USP40: variants seen among roughly 807,000 people sequenced by gnomAD.
The protein encoded by USP40 is ubiquitin specific peptidase 40.
USP40 carries 143 observed loss-of-function variants against 166.2 expected under a neutral mutation model. The observed-to-expected ratio is 0.86, with a 90% CI of 0.75 to 0.99. The LOEUF (loss-of-function observed/expected upper bound fraction) is 0.99, where lower values mean the gene tolerates loss of function less well. Among genes scored for constraint, USP40 ranks in the 50% least tolerant of loss-of-function variants. The pLI, the probability that USP40 is intolerant of heterozygous loss-of-function variation, is 0.00. For missense variants in USP40, 1,444 were observed against 1,479.7 expected, an observed-to-expected ratio of 0.98 and a Z score of 0.40; for synonymous variants, 498 against 524.0, an observed-to-expected ratio of 0.95 and a Z score of 0.68.
intron 19 of USP40, chr2:233,512,262 C>A: frequency 5.0e-6 from 1 of 199,656 alleles, no homozygotes; most frequent in Non-Finnish European, 1.0e-5. Context: ...TAATTGGTAT[C>A]GCAATAAAAT....
intron 23 of USP40, among the ~76,000 whole-genome samples, chr2:233,497,973 C>G (rs1227791120): frequency 6.6e-6 from 1 of 152,204 alleles, no homozygotes; most frequent in Non-Finnish European, 1.5e-5. Flanking sequence ...TCAGACTCCC[C>G]ACAGAGCTTT....
At position 233,549,333 on chromosome 2, in the gene USP40, CTGTT is replaced by C. The variant is rs1294633964; in HGVS notation, c.838-108_838-105del. 1.1e-5 allele frequency: 8 copies of C among 760,640 alleles called. No individual in the cohort carries two copies. In the Admixed American group the frequency reaches 2.1e-4, roughly 20 times the overall value. 47.1% of individuals were successfully genotyped at this position (760,640 alleles called of 1,614,324 possible). On this transcript the variant is annotated intron_variant, in intron 7 of 31. Transcript: ENST00000678225. Reference sequence around the variant, plus strand: ...CTACTGAAATTAATAAGAAACTTCACTGTTTGTTATTTAAGAGTAAAGATGAATT... The same window carrying C: ...CTACTGAAATTAATAAGAAACTTCACTGTTATTTAAGAGTAAAGATGAATT...
At chr2:233,514,121 G>A (rs2067017602) in intron 18 of USP40, among the ~76,000 whole-genome samples, 1 of 152,222 alleles carries the variant, frequency 6.6e-6, no homozygotes, top group Non-Finnish European at 1.5e-5. Flanking sequence ...GGTACTTACT[G>A]TGTATTGGCT....
rs2064217852 is a variant in USP40, at chr2:233,477,113, A to C, written c.*279T>G. 2 of 449,744 alleles carry C rather than the reference A, an allele frequency of 4.4e-6. No homozygotes were observed. The highest frequency in any genetic ancestry group is 8.3e-6 in the Non-Finnish European group (2 of 241,612). 27.9% of individuals were successfully genotyped at this position (449,744 alleles called of 1,614,324 possible). ...TGCATTTTCTGGTTAAAAGAAAAAAAAAGGCAGCTGGGGCCGGGTGCTGTG... is the reference window on the plus strand; with the variant it reads ...TGCATTTTCTGGTTAAAAGAAAAAACAAGGCAGCTGGGGCCGGGTGCTGTG... On this transcript the variant is annotated 3_prime_UTR_variant, in exon 32 of 32. Coordinates refer to ENST00000678225, the MANE Select transcript of USP40 (RefSeq NM_001365479.2).
At chr2:233,490,616 G>A (rs542625008) in intron 26 of USP40, among the ~76,000 whole-genome samples, 23 of 152,294 alleles carry the variant, frequency 1.5e-4, no homozygotes, top group South Asian at 1.5e-3. Flanking sequence ...AACAGTAGGC[G>A]GATGCTGCTT....
At position 233,499,357 on chromosome 2, in the gene USP40, G is replaced by A. The variant is rs190594871; in HGVS notation, c.2650+522C>T. ...CATGATCTCATTCCTTTCTATGGCT[G>A]CACAGTATTCCATGGTATATATGTA... On this transcript the variant is annotated intron_variant, in intron 22 of 31. Coordinates refer to ENST00000678225, the MANE Select transcript of USP40 (RefSeq NM_001365479.2). Among the ~76,000 whole-genome samples the A allele has an allele frequency of 2.1e-4, 32 of 152,250 alleles. No individual in the cohort carries two copies. In the East Asian group the frequency reaches 3.3e-3, roughly 16 times the overall value.
chr2:233,491,588 T>A lies in USP40; in HGVS notation c.2918-327A>T, dbSNP rs77949159. On this transcript the variant is annotated intron_variant, in intron 25 of 31. Transcript: ENST00000678225. ...TCCTGTTTCCTCATCATAACACTCA[T>A]CCCAACCTGTTCCTCGTGTGTGTGT... 8.8e-3 allele frequency among the ~76,000 whole-genome samples: 1,281 copies of A among 145,848 alleles called. 8 individuals carry two copies. Among genetic ancestry groups the A allele is most frequent in the Non-Finnish European group, 0.012 (777 of 66,872 alleles).
At chr2:233,542,569 CCAGGAGGTTGAGG>C (rs1382802188) in intron 8 of USP40, 1 of 416,800 alleles carries the variant, frequency 2.4e-6, no homozygotes, top group Non-Finnish European at 4.3e-6. Context: ...AAAAAATTAG[CCAGGAGGTTGAGG>C]CGGGAGGACT....
Position 233,527,552 on chromosome 2 carries a change from G to C in USP40, c.1580C>G (p.Thr527Ser). ...KRAECDSANN[T>S]FELHLHLGPQ... The stretch of plus-strand genomic sequence containing the variant: ...GCCCAGGTGAAGATGCAATTCAAAA[G>C]TATTGTTTGCAGAATCACATTCTGC... The change falls in exon 13 of 32, where the codon ACT (threonine) becomes AGT (serine). Residue 527 changes from threonine (T) to serine (S), a missense_variant. By Grantham distance (58) the Thr-to-Ser change is moderately conservative. Coordinates refer to ENST00000678225, the MANE Select transcript of USP40 (RefSeq NM_001365479.2). 1 of 1,611,038 alleles carries C rather than the reference G, an allele frequency of 6.2e-7. No individual in the cohort carries two copies. Among genetic ancestry groups the C allele is most frequent in the Non-Finnish European group, 8.5e-7 (1 of 1,179,058 alleles).
intron 13 of USP40, 75 bp downstream of exon 13, chr2:233,527,332 A>G: frequency 6.6e-7 from 1 of 1,507,590 alleles, no homozygotes; most frequent in Non-Finnish European, 9.0e-7. Flanking sequence ...GTTGTATCCT[A>G]AACAGAATGA....
intron 24 of USP40, among the ~76,000 whole-genome samples, chr2:233,494,040 T>G (rs1431380548): frequency 6.6e-6 from 1 of 152,232 alleles, no homozygotes; most frequent in Non-Finnish European, 1.5e-5. Context: ...ACCTCATTTT[T>G]TGTTAGTGAA....
chr2:233,531,883 C>G (rs982698317), intron 11 of USP40, among the ~76,000 whole-genome samples: 1 of 152,164 alleles, frequency 6.6e-6, no homozygotes, highest in Admixed American at 6.5e-5. Flanking sequence ...AGGCCTCATG[C>G]CTGTAATCCC....
At position 233,565,527 on chromosome 2, in the gene USP40, A is replaced by C; in HGVS notation, c.28T>G (p.Tyr10Asp). The change falls in exon 2 of 32, where the codon TAT becomes GAT. Residue 10 changes from tyrosine to aspartate, a missense_variant. By Grantham distance (160) the Tyr-to-Asp change is radical. Coordinates refer to ENST00000678225, the MANE Select transcript of USP40 (RefSeq NM_001365479.2). ...TACTGATTATTAGACACAGTGGAAT[A>C]CTCCTCTTCAAACAGGTCCCCAAAC... MFGDLFEEE[Y>D]STVSNNQYGK... 1 of 1,537,196 alleles carries C rather than the reference A, an allele frequency of 6.5e-7. No individual in the cohort carries two copies. The highest frequency in any genetic ancestry group is 8.7e-7 in the Non-Finnish European group (1 of 1,146,836).
intron 21 of USP40, among the ~76,000 whole-genome samples, chr2:233,502,149 G>A (rs1181554147): frequency 2.0e-5 from 3 of 152,210 alleles, no homozygotes; most frequent in African/African-American, 7.2e-5. Context: ...GAACAAGTCT[G>A]CCTGCAAGGG....
intron 20 of USP40, among the ~76,000 whole-genome samples, chr2:233,510,392 C>CTTTTTTTTTTTTTTTTTTT (rs1158427662): frequency 7.3e-5 from 5 of 68,690 alleles, no homozygotes; most frequent in Admixed American, 1.6e-4. Context: ...CTTTTTCTTT[C>CTTTTTTTTTTTTTTTTTTT]TTTTTTTTTT....
intron 31 of USP40, among the ~76,000 whole-genome samples, chr2:233,479,371 T>C (rs2064389109): frequency 6.6e-6 from 1 of 152,144 alleles, no homozygotes; most frequent in Non-Finnish European, 1.5e-5. Flanking sequence ...GAGACCATCC[T>C]GGCCAACATG....
chr2:233,564,713 T>C (rs1280816292), intron 2 of USP40, among the ~76,000 whole-genome samples: 1 of 152,160 alleles, frequency 6.6e-6, no homozygotes, highest in African/African-American at 2.4e-5. Flanking sequence ...TTTTTATATA[T>C]ATATAAAATG....
chr2:233,510,384 T>TTTTC (rs1178627838), intron 20 of USP40, among the ~76,000 whole-genome samples: 19 of 144,320 alleles, frequency 1.3e-4, no homozygotes, highest in Non-Finnish European at 2.4e-4. Context: ...CACTACTTCT[T>TTTTC]TTTCTTTCTT....
chr2:233,488,189 G>A (rs765954825), intron 28 of USP40, 50 bp downstream of exon 28: 52 of 1,501,036 alleles, frequency 3.5e-5, no homozygotes, highest in African/African-American at 8.3e-5. Flanking sequence ...AAAGGCAAAC[G>A]AGGTTAAGAT....
Sources: allele counts gnomAD v4.1 joint callset (sites outside exome capture counted in the v4.1 genomes callset), GRCh38; gene constraint gnomAD v4.1.1; transcripts MANE v1.5; gene names NCBI Gene and HGNC (gene_info 2026-07-23, HGNC 2026-07-21).